The following OXR1 variants were observed in gnomAD, a reference collection of about 807,000 sequenced individuals.
OXR1 encodes oxidation resistance 1, also known as oxidation resistance protein 1.
A neutral mutation model predicts 104.6 loss-of-function variants in OXR1; 41 were observed. That is an observed-to-expected ratio of 0.39 (90% CI 0.31 to 0.51). The LOEUF is 0.51. Ranked by LOEUF, OXR1 falls within the 20% of genes least tolerant of loss-of-function variation. The probability of loss-of-function intolerance (pLI) is 0.77; values close to 1 mark genes in which losing one functional copy is unlikely to be tolerated. For synonymous variants in OXR1, 348 were observed against 348.4 expected (o/e 1.00, Z 0.01); for missense variants, 955 against 1,031.9 (o/e 0.93, Z 1.02).
intron 2 of OXR1, among the ~76,000 whole-genome samples, chr8:106,466,096 A>G (rs575619264): frequency 1.3e-5 from 2 of 151,944 alleles, no homozygotes; most frequent in Non-Finnish European, 2.9e-5. Context: ...TGTGCTTGAT[A>G]TATCTGTTTT....
chr8:106,625,669 T>C (rs761485840), intron 3 of OXR1, among the ~76,000 whole-genome samples: 1 of 152,202 alleles, frequency 6.6e-6, no homozygotes, highest in African/African-American at 2.4e-5. Context: ...GTGAGATATG[T>C]TGACAATCTG....
At chr8:106,309,199 C>T (rs559012541) in intron 1 of OXR1, among the ~76,000 whole-genome samples, 73 of 152,190 alleles carry the variant, frequency 4.8e-4, no homozygotes, top group African/African-American at 1.7e-3. Flanking sequence ...CTAAGCTGGC[C>T]TCAAACTCTG....
intron 3 of OXR1, chr8:106,617,951 G>A (rs1053295563): frequency 9.9e-6 from 9 of 912,112 alleles, no homozygotes; most frequent in Non-Finnish European, 1.2e-5. Flanking sequence ...ACAGTCACAG[G>A]GCAGGTACAG....
chr8:106,378,908 CT>C (rs1169195094), intron 2 of OXR1, among the ~76,000 whole-genome samples: 2 of 152,202 alleles, frequency 1.3e-5, no homozygotes, highest in South Asian at 2.1e-4. Flanking sequence ...ATTCATTACA[CT>C]GCTGAGTCTT....
At chr8:106,556,567 G>A (rs890465374) in intron 3 of OXR1, among the ~76,000 whole-genome samples, 8 of 151,952 alleles carry the variant, frequency 5.3e-5, no homozygotes, top group Non-Finnish European at 8.8e-5. Flanking sequence ...GCTTCATCTG[G>A]GAAACAGGAT....
chr8:106,704,314 G>T (rs1019433449), intron 8 of OXR1, among the ~76,000 whole-genome samples: 24 of 85,534 alleles, frequency 2.8e-4, no homozygotes, highest in Non-Finnish European at 4.3e-4. Flanking sequence ...TACATATATG[G>T]AGAGAGAGAG....
intron 3 of OXR1, among the ~76,000 whole-genome samples, chr8:106,609,496 C>T (rs561596753): frequency 2.6e-4 from 40 of 152,134 alleles, no homozygotes; most frequent in Non-Finnish European, 5.1e-4. Flanking sequence ...ACTTTTTTAT[C>T]GGAAGGAAAA....
At chr8:106,651,496 C>T (rs562006655) in intron 3 of OXR1, among the ~76,000 whole-genome samples, 2 of 152,294 alleles carry the variant, frequency 1.3e-5, no homozygotes, top group South Asian at 2.1e-4. Flanking sequence ...GTTGTTACTG[C>T]ACCATTTATT....
chr8:106,482,781 A>T (rs546934449), intron 2 of OXR1, among the ~76,000 whole-genome samples: 1 of 151,998 alleles, frequency 6.6e-6, no homozygotes, highest in African/African-American at 2.4e-5. Flanking sequence ...TTAAGTATGG[A>T]CCATCTGTTC....
At chr8:106,715,860 C>T (rs1211675998) in intron 11 of OXR1, among the ~76,000 whole-genome samples, 2 of 152,106 alleles carry the variant, frequency 1.3e-5, no homozygotes, top group Non-Finnish European at 2.9e-5. Context: ...CCTCACCAGT[C>T]CTTTGACCGG....
intron 2 of OXR1, among the ~76,000 whole-genome samples, chr8:106,444,783 C>A (rs1586650155): frequency 6.6e-6 from 1 of 152,128 alleles, no homozygotes; most frequent in Middle Eastern, 3.4e-3. Context: ...CCTGCACGTT[C>A]TGCACATGTA....
chr8:106,382,693 T>TG (rs2130416241), intron 2 of OXR1, among the ~76,000 whole-genome samples: 1 of 145,936 alleles, frequency 6.9e-6, no homozygotes, highest in East Asian at 2.0e-4. Flanking sequence ...TTTTTTTTTT[T>TG]TTTTTTTTTT....
At chr8:106,505,603 A>G (rs1307086270) in intron 2 of OXR1, among the ~76,000 whole-genome samples, 1 of 152,204 alleles carries the variant, frequency 6.6e-6, no homozygotes, top group Non-Finnish European at 1.5e-5. Context: ...GAGACAACCT[A>G]CTTAAAATTG....
chr8:106,487,077 G>A (rs1810711940), intron 2 of OXR1, among the ~76,000 whole-genome samples: 1 of 148,812 alleles, frequency 6.7e-6, no homozygotes, highest in Non-Finnish European at 1.5e-5. Flanking sequence ...AGGCTGGAGA[G>A]CAGTGGCAGG....
chr8:106,739,119 C>CACACACACACACACACAG (rs1457023216), intron 12 of OXR1, among the ~76,000 whole-genome samples: 2 of 142,108 alleles, frequency 1.4e-5, no homozygotes, highest in Non-Finnish European at 3.1e-5. Context: ...CACACACACA[C>CACACACACACACACACAG]AGCGCAAGCC....
intron 2 of OXR1, among the ~76,000 whole-genome samples, chr8:106,507,781 T>C (rs909389804): frequency 1.3e-5 from 2 of 152,160 alleles, no homozygotes; most frequent in Admixed American, 6.6e-5. Context: ...AAAGGGAGTG[T>C]AGGAGGAAGT....
At chr8:106,609,859 C>CAT (rs77011220) in intron 3 of OXR1, among the ~76,000 whole-genome samples, 151,303 of 151,746 alleles carry the variant, frequency 1, 75,430 homozygotes, top group South Asian at 1. Context: ...CACACACACA[C>CAT]ATTTATGAGA....
chr8:106,672,821 C>T (rs1294771959), intron 3 of OXR1, among the ~76,000 whole-genome samples: 2 of 152,084 alleles, frequency 1.3e-5, no homozygotes, highest in African/African-American at 2.4e-5. Flanking sequence ...TTCCTCCTGC[C>T]TTTATTCTCC....
intron 11 of OXR1, among the ~76,000 whole-genome samples, chr8:106,721,876 A>G (rs1832853241): frequency 1.3e-5 from 2 of 152,210 alleles, no homozygotes; most frequent in South Asian, 2.1e-4. Context: ...ACATTATGTC[A>G]TTGTTGGATT....
Sources: gnomAD v4.1 joint callset for allele counts (sites outside exome capture counted in the v4.1 genomes callset) on GRCh38, gnomAD v4.1.1 for gene constraint, MANE v1.5 for transcripts, NCBI Gene and HGNC (gene_info 2026-07-23, HGNC 2026-07-21) for gene names.